SAG: variants seen among roughly 807,000 people sequenced by gnomAD.
SAG encodes the protein S-arrestin.
In SAG, 45 loss-of-function variants were observed where a neutral mutation model predicts 55.0. The observed-to-expected ratio is 0.82, with a 90% CI of 0.64 to 1.05. The LOEUF (loss-of-function observed/expected upper bound fraction) is 1.05. Among genes scored for constraint, SAG ranks in the 50% least tolerant of loss-of-function variants. The pLI, the probability that SAG is intolerant of heterozygous loss-of-function variation, is 0.00. For missense variants in SAG, 455 were observed against 512.1 expected (o/e 0.89, Z 1.08); for synonymous variants, 189 against 197.4 (o/e 0.96, Z 0.36).
At position 233,341,437 on chromosome 2, in the gene SAG, A is replaced by C. The variant is rs548313931; in HGVS notation, c.1047-834A>C. ...AATACCAAAAGGTAGAAACAACCCA[A>C]ATGTCCACCAACAGATGAATGGGAT... is the stretch of plus-strand genomic sequence containing the variant. On this transcript the variant is annotated intron_variant, in intron 13 of 15. Transcript: ENST00000409110. Among the ~76,000 whole-genome samples the C allele has an allele frequency of 7.2e-5, 11 of 152,378 alleles. No individual in the cohort carries two copies. In the South Asian group the frequency reaches 2.1e-3, roughly 29 times the overall value.
In SAG at chr2:233,334,936, A is replaced by G. The variant is rs57914868; in HGVS notation, c.807-26A>G. The G allele has an allele frequency of 4.4e-3, 7,100 of 1,613,108 alleles. 141 individuals are homozygous for G. The African/African-American group carries it at 0.056, about 13-fold the overall frequency. On this transcript the variant is annotated intron_variant, in intron 10 of 15. Coordinates refer to ENST00000409110, the MANE Select transcript of SAG (RefSeq NM_000541.5). ...GTCCATGGCAGCTTTGATGGTTATA[A>G]ATCTCCTCTGTTCTTCTTCCTCTAG...
chr2:233,329,435 G>T, intron 8 of SAG, 58 bp from the exon 9 acceptor site: 1 of 1,047,154 alleles, frequency 9.5e-7, no homozygotes, highest in Non-Finnish European at 1.5e-6. Context: ...AAAGCAGTAA[G>T]ATTAAAGACA....
chr2:233,316,297 ATTT>A (rs1163132071), intron 3 of SAG, among the ~76,000 whole-genome samples, 162 bp downstream of exon 3: 5 of 151,210 alleles, frequency 3.3e-5, no homozygotes, highest in African/African-American at 1.2e-4. Context: ...AATTTTATTT[ATTT>A]TTATTTTTAT....
At chr2:233,342,448 C>A in intron 14 of SAG, 122 bp downstream of exon 14, 1 of 783,856 alleles carries the variant, frequency 1.3e-6, no homozygotes, top group Non-Finnish European at 2.2e-6. Context: ...GTAAGAGATT[C>A]CATGTGATCT....
intron 8 of SAG, chr2:233,328,921 A>G (rs1700658411): frequency 3.0e-6 from 1 of 336,026 alleles, no homozygotes; most frequent in East Asian, 5.5e-5. Flanking sequence ...GTCCACCTCC[A>G]TGGGCCTTGT....
At chr2:233,317,836 T>C (rs1700254033) in intron 3 of SAG, among the ~76,000 whole-genome samples, 1 of 152,244 alleles carries the variant, frequency 6.6e-6, no homozygotes, top group Non-Finnish European at 1.5e-5. Context: ...TGTATAGATG[T>C]ATGTATGTGA....
chr2:233,320,848 T>G, intron 5 of SAG, 25 bp downstream of exon 5: 1 of 1,553,894 alleles, frequency 6.4e-7, no homozygotes, highest in Admixed American at 1.9e-5. Context: ...CGGCCAGCCC[T>G]GCTTCCTTCA....
intron 2 of SAG, among the ~76,000 whole-genome samples, chr2:233,314,431 C>T (rs748032621): frequency 5.9e-5 from 9 of 152,186 alleles, no homozygotes; most frequent in Non-Finnish European, 1.2e-4. Context: ...AAGGTGGGGA[C>T]AAACATCTGG....
At chr2:233,323,643 G>A (rs1447328205) in intron 6 of SAG, among the ~76,000 whole-genome samples, 2 of 152,190 alleles carry the variant, frequency 1.3e-5, no homozygotes, top group African/African-American at 4.8e-5. Context: ...GATTACAGGC[G>A]TGAGCCACCG....
At chr2:233,344,684 G>C (rs1339381448) in intron 14 of SAG, 4 of 152,198 alleles carry the variant, frequency 2.6e-5, no homozygotes, top group Non-Finnish European at 5.9e-5. Flanking sequence ...GATTTCTAGA[G>C]ATAAATGTCA....
At chr2:233,322,217 T>C (rs1289496732) in intron 5 of SAG, among the ~76,000 whole-genome samples, 1 of 149,990 alleles carries the variant, frequency 6.7e-6, no homozygotes, top group Non-Finnish European at 1.5e-5. Context: ...AAAGTGCTTC[T>C]CTTTCTAGCA....
intron 2 of SAG, among the ~76,000 whole-genome samples, chr2:233,314,006 G>A (rs751573392): frequency 1.3e-4 from 19 of 151,890 alleles, no homozygotes; most frequent in Middle Eastern, 3.2e-3. Flanking sequence ...GATTGCTTGA[G>A]CCCAGGAGTT....
rs777934036 is a variant in SAG, at chr2:233,320,656, C to T, written c.208C>T (p.Arg70Cys). 2.6e-5 allele frequency: 42 copies of T among 1,603,580 alleles called. No homozygotes were observed. The highest frequency in any genetic ancestry group is 3.4e-5 in the South Asian group (3 of 88,910). ...KVYVTLTCAF[R>C]YGQEDIDVIG... ...GTATGTCACTCTGACCTGCGCCTTC[C>T]GCTATGGCCAAGAGGACATTGACGT... Residue 70 changes from arginine (R) to cysteine (C), a missense_variant, in exon 5 of 16, where the codon CGC becomes TGC. Coordinates refer to ENST00000409110, the MANE Select transcript of SAG (RefSeq NM_000541.5).
At chr2:233,310,238 A>T (rs1198556500) in intron 2 of SAG, among the ~76,000 whole-genome samples, 1 of 152,358 alleles carries the variant, frequency 6.6e-6, no homozygotes, top group South Asian at 2.1e-4. Context: ...TGCAAGCCAC[A>T]TATGTAATTT....
chr2:233,315,009 T>G (rs1030875486), intron 2 of SAG, among the ~76,000 whole-genome samples: 2 of 152,156 alleles, frequency 1.3e-5, no homozygotes, highest in Admixed American at 1.3e-4. Context: ...CTTAAAGATG[T>G]GCAGAGACTC....
chr2:233,344,691 G>A (rs978993034), intron 14 of SAG: 1 of 152,164 alleles, frequency 6.6e-6, no homozygotes, highest in Non-Finnish European at 1.5e-5. Flanking sequence ...AGAGATAAAT[G>A]TCATCTCTCC....
At position 233,317,227 on chromosome 2, in the gene SAG, T is replaced by C. The variant is rs116073657; in HGVS notation, c.136+1092T>C. On this transcript the variant is annotated intron_variant, in intron 3 of 15. Coordinates refer to ENST00000409110, the MANE Select transcript of SAG (RefSeq NM_000541.5). The stretch of plus-strand genomic sequence containing the variant: ...CCAACAGTTGCATCCCGGGCACTTA[T>C]CTCAGAGAAATGAAAACTTGTGTCC... 3.3e-3 allele frequency among the ~76,000 whole-genome samples: 505 copies of C among 152,358 alleles called. 2 individuals are homozygous for C. The highest frequency in any genetic ancestry group is 4.2e-3 in the Non-Finnish European group (286 of 68,042).
At chr2:233,312,267 C>T (rs576365411) in intron 2 of SAG, among the ~76,000 whole-genome samples, 2 of 152,288 alleles carry the variant, frequency 1.3e-5, no homozygotes, top group East Asian at 1.9e-4. Context: ...TCTTCACCTG[C>T]CCTTGTCTCT....
rs1700321768 is a variant in SAG at position 233,319,673 on chromosome 2, C to G, written c.181+878C>G. ...CTGGGTGCCCTGCTCCTCTCTGGAC[C>G]AGGAGGCATCTGGTTTGAGCCCCGA... On this transcript the variant is annotated intron_variant, in intron 4 of 15. Transcript: ENST00000409110. The surrounding 1 kb of genome is among the most constrained non-coding windows in gnomAD (Gnocchi z 4.4). The G allele has an allele frequency of 1.0e-6, 1 of 985,786 alleles. No individual in the cohort carries two copies. The highest frequency in any genetic ancestry group is 4.7e-5 in the South Asian group (1 of 21,304). 61.1% of individuals were successfully genotyped at this position (985,786 alleles called of 1,614,324 possible).
Sources: gnomAD v4.1 joint callset for allele counts (sites outside exome capture counted in the v4.1 genomes callset) on GRCh38, gnomAD v4.1.1 for gene constraint, Gnocchi (gnomAD v3.1) non-coding constraint, MANE v1.5 for transcripts, NCBI Gene and HGNC (gene_info 2026-07-23, HGNC 2026-07-21) for gene names.